Variants in CDH23 observed in about 807,000 individuals in gnomAD.
The protein encoded by CDH23 is cadherin related 23.
CDH23 carries 189 observed loss-of-function variants against 317.1 expected under a neutral mutation model. The observed-to-expected ratio is 0.60, with a 90% CI of 0.53 to 0.67. CDH23 has a LOEUF of 0.67. CDH23 is among the 30% of genes least tolerant of loss of function. The probability of loss-of-function intolerance (pLI) is 0.00; values close to 1 mark genes in which losing one functional copy is unlikely to be tolerated. For missense variants in CDH23, 4,401 were observed against 4,592.4 expected, an observed-to-expected ratio of 0.96 and a Z score of 1.20; for synonymous variants, 1,839 against 1,876.8, an observed-to-expected ratio of 0.98 and a Z score of 0.52.
intron 3 of CDH23, among the ~76,000 whole-genome samples, chr10:71,451,300 G>A (rs1050309605): frequency 6.6e-6 from 1 of 152,168 alleles, no homozygotes; most frequent in African/African-American, 2.4e-5. Flanking sequence ...CCCAGCCATG[G>A]ATGGCCCTGC....
intron 3 of CDH23, among the ~76,000 whole-genome samples, chr10:71,451,077 G>A (rs1387901208): frequency 6.6e-6 from 1 of 152,036 alleles, no homozygotes; most frequent in Non-Finnish European, 1.5e-5. Context: ...CCAAAAGCTG[G>A]GACTCATTCC....
At chr10:71,663,033 C>CT (rs1863743764) in intron 14 of CDH23, among the ~76,000 whole-genome samples, 1 of 152,208 alleles carries the variant, frequency 6.6e-6, no homozygotes, top group African/African-American at 2.4e-5. Flanking sequence ...TATGAGGACA[C>CT]TTGTCATTGG....
At chr10:71,773,662 C>T (rs1840745516) in intron 38 of CDH23, among the ~76,000 whole-genome samples, 1 of 152,188 alleles carries the variant, frequency 6.6e-6, no homozygotes, top group Admixed American at 6.5e-5. Context: ...GAGGCCGGCC[C>T]CGTGGGTGGG....
chr10:71,423,548 A>C (rs1848908720), intron 1 of CDH23, among the ~76,000 whole-genome samples: 2 of 152,130 alleles, frequency 1.3e-5, no homozygotes, highest in Admixed American at 1.3e-4. Flanking sequence ...GATAGAGCCA[A>C]CCAGCAGCTC....
intron 11 of CDH23, among the ~76,000 whole-genome samples, chr10:71,631,555 A>C (rs1294364090): frequency 6.6e-6 from 1 of 152,262 alleles, no homozygotes; most frequent in Non-Finnish European, 1.5e-5. Flanking sequence ...CGCATATCTT[A>C]GTCCATTTCT....
intron 2 of CDH23, among the ~76,000 whole-genome samples, chr10:71,443,940 T>A (rs181030653): frequency 4.2e-4 from 64 of 152,382 alleles, no homozygotes; most frequent in East Asian, 5.8e-4. Context: ...TGTGCAGAGC[T>A]CCCAGTGACT....
At chr10:71,402,691 A>C (rs1425492112) in intron 1 of CDH23, among the ~76,000 whole-genome samples, 1 of 151,116 alleles carries the variant, frequency 6.6e-6, no homozygotes, top group Non-Finnish European at 1.5e-5. Flanking sequence ...ACATTCATAA[A>C]TTGAATTCTT....
intron 21 of CDH23, among the ~76,000 whole-genome samples, chr10:71,695,178 C>T (rs1227075): frequency 2.6e-5 from 4 of 152,270 alleles, no homozygotes; most frequent in African/African-American, 7.2e-5. Flanking sequence ...GATTTCAGGG[C>T]TTATCACATC....
intron 2 of CDH23, among the ~76,000 whole-genome samples, chr10:71,440,269 G>C (rs1849813743): frequency 6.6e-6 from 1 of 152,172 alleles, no homozygotes; most frequent in South Asian, 2.1e-4. Context: ...TTTGCACTGT[G>C]TGTGACCTAC....
At chr10:71,481,467 G>A (rs139847063) in intron 3 of CDH23, among the ~76,000 whole-genome samples, 136 of 152,314 alleles carry the variant, frequency 8.9e-4, no homozygotes, top group African/African-American at 3.1e-3. Flanking sequence ...AACAGGGTTT[G>A]AGGCAGTGTC....
intron 6 of CDH23, among the ~76,000 whole-genome samples, chr10:71,537,127 TGAGGGCCTGGGGGTGAAAGCAA>T (rs1345868255): frequency 6.6e-6 from 1 of 152,046 alleles, no homozygotes; most frequent in Non-Finnish European, 1.5e-5. Context: ...GGCCCATGGC[TGAGGGCCTGGGGGTGAAAGCAA>T]GAGGCAAGTG....
intron 3 of CDH23, among the ~76,000 whole-genome samples, chr10:71,460,742 T>C (rs1208355754): frequency 6.6e-6 from 1 of 152,128 alleles, no homozygotes; most frequent in African/African-American, 2.4e-5. Context: ...CCCATCCTGC[T>C]CATCCCAGCC....
intron 24 of CDH23, among the ~76,000 whole-genome samples, chr10:71,704,478 CA>C (rs1286341863): frequency 6.6e-6 from 1 of 152,192 alleles, no homozygotes; most frequent in African/African-American, 2.4e-5. Flanking sequence ...TACTATCTCA[CA>C]AATCAAAGCA....
chr10:71,433,336 C>G (rs1247489809), intron 1 of CDH23, among the ~76,000 whole-genome samples: 1 of 152,204 alleles, frequency 6.6e-6, no homozygotes, highest in Admixed American at 6.5e-5. Context: ...TGTCCACGTA[C>G]AGCTATGGCA....
intron 3 of CDH23, among the ~76,000 whole-genome samples, chr10:71,461,887 G>T (rs1218991598): frequency 9.0e-5 from 13 of 144,716 alleles, no homozygotes; most frequent in Non-Finnish European, 1.5e-5. Flanking sequence ...GCATTTCCAA[G>T]AAATTCTTCA....
rs143826405 is a variant in CDH23, at chr10:71,546,234, A to G, written c.430-20508A>G. ...CCCCTTCTCCATGTTTATTTCAGCA[A>G]CTGTAACTCAGTCCAAAGCATCTTC... On this transcript the variant is annotated intron_variant, in intron 6 of 69. Transcript: ENST00000224721. Among the ~76,000 whole-genome samples the G allele has an allele frequency of 1.3e-3, 195 of 152,044 alleles. 2 individuals carry two copies. In the East Asian group the frequency reaches 0.021, roughly 17 times the overall value.
chr10:71,439,552 C>T (rs1166822768), intron 1 of CDH23, among the ~76,000 whole-genome samples: 2 of 152,212 alleles, frequency 1.3e-5, no homozygotes, highest in Non-Finnish European at 2.9e-5. Flanking sequence ...GACAGCCAGT[C>T]CCCCAGGAGG....
rs747086873 is a variant in CDH23, at chr10:71,734,339, G to A, written c.4204G>A (p.Val1402Met). Reference sequence around the variant, plus strand: ...CGGCGGCCCCAAGGTGGACTCCACCGTGGTGAGTGGGACCAGGGTGAGAGT... The same window carrying A: ...CGGCGGCCCCAAGGTGGACTCCACCATGGTGAGTGGGACCAGGGTGAGAGT... Reference protein sequence around the residue: ...DDGGPKVDSTVKVYITVLDEN... With the variant: ...DDGGPKVDSTMKVYITVLDEN... The change falls in exon 33 of 70, where the codon GTG becomes ATG. Residue 1402 changes from valine (V) to methionine (M), a missense_variant and splice_region_variant. Around this residue, in one of 3 missense-constraint regions of CDH23, gnomAD observed 3,068 missense variants for 3,203.3 expected, o/e 0.96. Transcript: ENST00000224721. The A allele has an allele frequency of 5.6e-6, 9 of 1,604,584 alleles. No individual in the cohort carries two copies. The highest frequency in any genetic ancestry group is 1.3e-5 in the African/African-American group (1 of 74,934).
At chr10:71,655,047 G>C (rs1226454209) in intron 14 of CDH23, among the ~76,000 whole-genome samples, 1 of 152,160 alleles carries the variant, frequency 6.6e-6, no homozygotes, top group Non-Finnish European at 1.5e-5. Flanking sequence ...CTTCTGAGCA[G>C]TCATGCATGA....
Sources: allele counts gnomAD v4.1 joint callset (sites outside exome capture counted in the v4.1 genomes callset), GRCh38; gene constraint gnomAD v4.1.1; regional missense constraint gnomAD v4.1.1; transcripts MANE v1.5; gene names NCBI Gene and HGNC (gene_info 2026-07-23, HGNC 2026-07-21).